Variants in CCBE1 observed in about 807,000 individuals in gnomAD.
CCBE1 encodes the protein collagen and calcium-binding EGF domain-containing protein 1.
In CCBE1, 37 loss-of-function variants were observed where a neutral mutation model predicts 50.0. That is an observed-to-expected ratio of 0.74 (90% CI 0.57 to 0.97). CCBE1 has a LOEUF of 0.97. CCBE1 is among the 50% of genes least tolerant of loss of function. CCBE1 has a pLI of 0.00. For missense variants in CCBE1, 538 were observed against 523.8 expected (o/e 1.03, Z -0.26); for synonymous variants, 234 against 203.7 (o/e 1.15, Z -1.27).
At chr18:59,602,525 G>C (rs1182579239) in intron 2 of CCBE1, among the ~76,000 whole-genome samples, 2 of 151,966 alleles carry the variant, frequency 1.3e-5, no homozygotes, top group East Asian at 1.9e-4. Context: ...CAAAGATCTA[G>C]GTTTTTAAAA....
rs571942012 is a variant in CCBE1, at chr18:59,659,998, C to T, written c.212+36631G>A. On this transcript the variant is annotated intron_variant, in intron 2 of 10. Transcript: ENST00000439986. ...TAGCTGCGTCCCTAAAGCCGGGTCA[C>T]AGACAATGCGTGAGTTTGTTGGAGC... Among the ~76,000 whole-genome samples the T allele has an allele frequency of 3.3e-5, 5 of 152,330 alleles. No individual in the cohort carries two copies. In the East Asian group the frequency reaches 7.7e-4, roughly 24 times the overall value.
chr18:59,681,505 G>A (rs184360931), intron 2 of CCBE1, among the ~76,000 whole-genome samples: 4 of 152,278 alleles, frequency 2.6e-5, no homozygotes, highest in East Asian at 1.9e-4. Context: ...AGTGGGTGCC[G>A]TGGGACTACA....
At chr18:59,508,866 G>A (rs776088555) in intron 2 of CCBE1, among the ~76,000 whole-genome samples, 21 of 151,354 alleles carry the variant, frequency 1.4e-4, no homozygotes, top group Non-Finnish European at 2.7e-4. Flanking sequence ...ATTGGCATGT[G>A]CCACCACATA....
chr18:59,609,045 G>C (rs1464330084), intron 2 of CCBE1, among the ~76,000 whole-genome samples: 1 of 152,198 alleles, frequency 6.6e-6, no homozygotes, highest in African/African-American at 2.4e-5. Flanking sequence ...TGTCATATGT[G>C]CATCTGTTGA....
intron 2 of CCBE1, among the ~76,000 whole-genome samples, chr18:59,687,226 C>T (rs554989108): frequency 2.0e-5 from 3 of 152,304 alleles, no homozygotes; most frequent in Admixed American, 6.5e-5. Flanking sequence ...CTCCAATCTT[C>T]GAGGAAATAG....
At chr18:59,526,356 C>G (rs1437434401) in intron 2 of CCBE1, among the ~76,000 whole-genome samples, 2 of 148,746 alleles carry the variant, frequency 1.3e-5, no homozygotes, top group Non-Finnish European at 3.0e-5. Flanking sequence ...GTCGGCACGG[C>G]TGGAGTGCAG....
chr18:59,516,115 C>T (rs1185001561), intron 2 of CCBE1, among the ~76,000 whole-genome samples: 2 of 152,158 alleles, frequency 1.3e-5, no homozygotes, highest in Non-Finnish European at 2.9e-5. Context: ...TGTCCCACCA[C>T]GCCCAGCTAA....
chr18:59,592,912 A>G (rs1019322592), intron 2 of CCBE1, among the ~76,000 whole-genome samples: 1 of 152,190 alleles, frequency 6.6e-6, no homozygotes, highest in South Asian at 2.1e-4. Context: ...GGGTTTAAAA[A>G]TAAAAAAAAA....
At chr18:59,461,980 C>T (rs532613376) in intron 5 of CCBE1, among the ~76,000 whole-genome samples, 14 of 152,134 alleles carry the variant, frequency 9.2e-5, no homozygotes, top group East Asian at 1.9e-4. Context: ...GCGTTCCTAC[C>T]GCCTCAGCCT....
intron 2 of CCBE1, among the ~76,000 whole-genome samples, chr18:59,615,362 T>C (rs2053622557): frequency 6.6e-6 from 1 of 152,216 alleles, no homozygotes; most frequent in Non-Finnish European, 1.5e-5. Flanking sequence ...ACCATGCTCA[T>C]TCGCGCTGCG....
At chr18:59,526,899 G>T (rs931448811) in intron 2 of CCBE1, among the ~76,000 whole-genome samples, 1 of 152,068 alleles carries the variant, frequency 6.6e-6, no homozygotes, top group Non-Finnish European at 1.5e-5. Flanking sequence ...CAGTTCTTTT[G>T]CATTTGCCAA....
chr18:59,590,357 A>T (rs577782654), intron 2 of CCBE1, among the ~76,000 whole-genome samples: 29 of 152,370 alleles, frequency 1.9e-4, no homozygotes, highest in African/African-American at 7.0e-4. Context: ...AGAATGTTTT[A>T]AAACACTCTT....
chr18:59,581,568 C>A (rs186727674), intron 2 of CCBE1, among the ~76,000 whole-genome samples: 1 of 152,186 alleles, frequency 6.6e-6, no homozygotes, highest in Admixed American at 6.5e-5. Context: ...TTCTCATCTT[C>A]CAATGCTTAG....
chr18:59,649,941 G>A (rs1056866716), intron 2 of CCBE1, among the ~76,000 whole-genome samples: 20 of 152,120 alleles, frequency 1.3e-4, no homozygotes, highest in Non-Finnish European at 2.8e-4. Context: ...TCTTCAAGGG[G>A]CACATGGGAA....
At chr18:59,436,964 CCT>C (rs201296856) in intron 10 of CCBE1, among the ~76,000 whole-genome samples, 2,131 of 151,714 alleles carry the variant, frequency 0.014, 59 homozygotes, top group African/African-American at 0.048. Context: ...AGAGTGAGAC[CCT>C]GTCTCAAAAA....
chr18:59,501,202 G>A (rs751252639), intron 2 of CCBE1, among the ~76,000 whole-genome samples: 8 of 152,236 alleles, frequency 5.3e-5, no homozygotes, highest in South Asian at 2.1e-4. Context: ...AGCCAGAAGC[G>A]TCAAGGCTGC....
Position 59,558,609 on chromosome 18 carries a change from G to A in CCBE1, c.213-78371C>T, listed in dbSNP as rs988594269. 3.3e-5 allele frequency among the ~76,000 whole-genome samples: 5 copies of A among 152,230 alleles called. No individual in the cohort carries two copies. The South Asian group carries it at 8.3e-4, about 25-fold the overall frequency. On this transcript the variant is annotated intron_variant, in intron 2 of 10. Transcript: ENST00000439986. ...ATAACTGCCCTGCTGATGCTGTACA[G>A]GGGCTCTTGGGGCTTGGCTTGGCTC...
intron 2 of CCBE1, among the ~76,000 whole-genome samples, chr18:59,561,934 T>G (rs1054739607): frequency 3.3e-5 from 5 of 152,124 alleles, no homozygotes; most frequent in Non-Finnish European, 7.4e-5. Context: ...AATATCATGT[T>G]TTACCTGCCT....
chr18:59,438,093 A>T lies in CCBE1; in HGVS notation c.987+18T>A. The stretch of plus-strand genomic sequence containing the variant: ...GAGAACGTTCCCCTGGGGAAGCAGG[A>T]CACAGAGTGCTACTTACTGGAGACC... On this transcript the variant is annotated intron_variant, in intron 10 of 10. Coordinates refer to ENST00000439986, the MANE Select transcript of CCBE1 (RefSeq NM_133459.4). 6.2e-7 allele frequency: 1 copy of T among 1,613,938 alleles called. No homozygotes were observed. The highest frequency in any genetic ancestry group is 8.5e-7 in the Non-Finnish European group (1 of 1,179,876).
Sources: allele counts gnomAD v4.1 joint callset (sites outside exome capture counted in the v4.1 genomes callset), GRCh38; gene constraint gnomAD v4.1.1; transcripts MANE v1.5; gene names NCBI Gene and HGNC (gene_info 2026-07-23, HGNC 2026-07-21).